Variants in HEATR5B observed in about 807,000 individuals in gnomAD.
HEATR5B encodes HEAT repeat containing 5B.
Under a neutral mutation model 224.1 loss-of-function variants are expected in HEATR5B, and 156 were observed. The observed-to-expected ratio is 0.70, with a 90% CI of 0.61 to 0.80. The LOEUF (loss-of-function observed/expected upper bound fraction) is 0.80, where lower values mean the gene tolerates loss of function less well. Among genes scored for constraint, HEATR5B ranks in the 30% least tolerant of loss-of-function variants. The pLI, the probability that HEATR5B is intolerant of heterozygous loss-of-function variation, is 0.00. For missense variants in HEATR5B, 2,323 were observed against 2,535.5 expected (o/e 0.92, Z 1.80); for synonymous variants, 1,027 against 893.0 (o/e 1.15, Z -2.68).
Position 37,058,501 on chromosome 2 carries a change from C to CG in HEATR5B, c.2008dup (p.Arg670ProfsTer6). On this transcript the variant is annotated frameshift_variant, in exon 14 of 36. Coordinates refer to ENST00000233099, the MANE Select transcript of HEATR5B (RefSeq NM_019024.3). LOFTEE classifies it high-confidence loss of function. The stretch of plus-strand genomic sequence containing the variant: ...AGCCAAGATATCATAAAGTCTTAAA[C>CG]GGACCATTGCAGCACTAGCTTTCAG... The CG allele has an allele frequency of 6.2e-7, 1 of 1,613,264 alleles. No individual in the cohort carries two copies. Among genetic ancestry groups the CG allele is most frequent in the Non-Finnish European group, 8.5e-7 (1 of 1,179,278 alleles).
chr2:37,021,026 ATACAG>A (rs1451147483), intron 24 of HEATR5B, among the ~76,000 whole-genome samples, 190 bp from the exon 25 acceptor site: 3 of 152,238 alleles, frequency 2.0e-5, no homozygotes, highest in African/African-American at 4.8e-5. Context: ...GTGATATACA[ATACAG>A]TAATGCTGAT....
At chr2:37,048,563 A>C (rs577010379) in intron 18 of HEATR5B, among the ~76,000 whole-genome samples, 1 of 152,320 alleles carries the variant, frequency 6.6e-6, no homozygotes, top group Non-Finnish European at 1.5e-5. Context: ...ACATACTCCT[A>C]CTTCACCTGT....
At chr2:37,063,987 T>C (rs188041825) in intron 10 of HEATR5B, among the ~76,000 whole-genome samples, 60 of 152,168 alleles carry the variant, frequency 3.9e-4, no homozygotes, top group African/African-American at 1.3e-3. Context: ...AATTTTTCTG[T>C]ATTTTTAGTA....
In HEATR5B at chr2:37,002,422, A is replaced by C; in HGVS notation, c.5201T>G (p.Val1734Gly). The change falls in exon 32 of 36, where the codon GTG (valine) becomes GGG (glycine). Residue 1734 changes from valine (V) to glycine (G), a missense_variant. By Grantham distance (109) the Val-to-Gly change is moderately radical (BLOSUM62 -3). Coordinates refer to ENST00000233099, the MANE Select transcript of HEATR5B (RefSeq NM_019024.3). ...VRHMPHLSTK[V>G]SDSPSHIATK... ...GGCTATGTGACTTGGAGAGTCTGAC[A>C]CCTTGGTACTGAGATGTGGCATATG... 1 of 1,614,212 alleles carries C rather than the reference A, an allele frequency of 6.2e-7. No homozygotes were observed. Among genetic ancestry groups the C allele is most frequent in the East Asian group, 2.2e-5 (1 of 44,888 alleles).
chr2:37,039,036 A>G (rs1558329393), intron 20 of HEATR5B, among the ~76,000 whole-genome samples: 1 of 151,992 alleles, frequency 6.6e-6, no homozygotes, highest in South Asian at 2.1e-4. Context: ...AATGCCGGTA[A>G]CGGGCTGGGC....
Position 37,046,069 on chromosome 2 carries a change from T to A in HEATR5B, c.2696+3584A>T, listed in dbSNP as rs574585463. On this transcript the variant is annotated intron_variant, in intron 18 of 35. Coordinates refer to ENST00000233099, the MANE Select transcript of HEATR5B (RefSeq NM_019024.3). ...CATATTTAACTAGTAATGTAGAGAT[T>A]TGAAATGAAGCTAACATGTAAACTT... Among the ~76,000 whole-genome samples, 19 of 152,324 alleles carry A rather than the reference T, an allele frequency of 1.2e-4. No individual in the cohort carries two copies. The East Asian group carries it at 3.3e-3, about 26-fold the overall frequency.
intron 14 of HEATR5B, 91 bp from the exon 15 acceptor site, chr2:37,057,571 G>T: frequency 1.3e-6 from 1 of 771,002 alleles, no homozygotes; most frequent in Non-Finnish European, 2.0e-6. Flanking sequence ...ATGTTCAACA[G>T]GAATAAAATA....
intron 35 of HEATR5B, among the ~76,000 whole-genome samples, chr2:36,983,227 C>T (rs1420866930): frequency 2.6e-5 from 4 of 152,036 alleles, no homozygotes; most frequent in African/African-American, 9.7e-5. Flanking sequence ...CCCTCATGTA[C>T]AATGTTAATA....
At chr2:37,000,846 C>A in intron 32 of HEATR5B, 33 bp from the exon 33 acceptor site, 1 of 1,356,292 alleles carries the variant, frequency 7.4e-7, no homozygotes, top group Non-Finnish European at 1.1e-6. Context: ...CACCTCATAA[C>A]TATTCAGTTC....
intron 17 of HEATR5B, among the ~76,000 whole-genome samples, chr2:37,052,038 C>A (rs939764960): frequency 1.3e-5 from 2 of 152,208 alleles, no homozygotes; most frequent in Admixed American, 6.5e-5. Context: ...CCACGCCCAG[C>A]CCCAAACCCT....
intron 35 of HEATR5B, among the ~76,000 whole-genome samples, chr2:36,986,579 T>G (rs1665959293): frequency 6.6e-6 from 1 of 152,138 alleles, no homozygotes; most frequent in African/African-American, 2.4e-5. Context: ...ACAGGTACAG[T>G]TTGTAGGTGG....
chr2:37,008,354 T>A (rs1667563014), intron 28 of HEATR5B: 1 of 516,538 alleles, frequency 1.9e-6, no homozygotes, highest in Non-Finnish European at 3.5e-6. Flanking sequence ...CATAGCTATT[T>A]AGAATACCCT....
Position 36,981,470 on chromosome 2 carries a change from C to G in HEATR5B, c.*20G>C, listed in dbSNP as rs1436761477. ...TAGGGGCTAGTTGACAACATAAATA[C>G]AAATAAATGAAATTACAAATTAAAA... On this transcript the variant is annotated 3_prime_UTR_variant, in exon 36 of 36. Coordinates refer to ENST00000233099, the MANE Select transcript of HEATR5B (RefSeq NM_019024.3). 1.3e-6 allele frequency: 2 copies of G among 1,582,238 alleles called. No individual in the cohort carries two copies. The highest frequency in any genetic ancestry group is 2.7e-5 in the African/African-American group (2 of 73,610).
intron 24 of HEATR5B, among the ~76,000 whole-genome samples, chr2:37,022,853 T>C (rs1668547507): frequency 6.6e-6 from 1 of 152,156 alleles, no homozygotes; most frequent in South Asian, 2.1e-4. Context: ...CAAAATTATT[T>C]TGGAATACAT....
At chr2:37,033,009 T>G (rs747816724) in intron 21 of HEATR5B, among the ~76,000 whole-genome samples, 2 of 151,942 alleles carry the variant, frequency 1.3e-5, no homozygotes, top group Admixed American at 6.6e-5. Flanking sequence ...GCCTCCCAAG[T>G]AGCTGGGATT....
intron 12 of HEATR5B, among the ~76,000 whole-genome samples, chr2:37,059,723 G>A (rs937880051): frequency 6.6e-6 from 1 of 151,820 alleles, no homozygotes; most frequent in Non-Finnish European, 1.5e-5. Flanking sequence ...GCTTCCCAAA[G>A]TGCTGGGATT....
intron 18 of HEATR5B, among the ~76,000 whole-genome samples, chr2:37,044,278 T>G (rs966102720): frequency 1.3e-5 from 2 of 152,204 alleles, no homozygotes; most frequent in Non-Finnish European, 2.9e-5. Context: ...GTTGTCATAT[T>G]CCTTCCCCCA....
intron 22 of HEATR5B, among the ~76,000 whole-genome samples, chr2:37,030,950 T>A (rs1669090519): frequency 6.6e-6 from 1 of 152,234 alleles, no homozygotes; most frequent in African/African-American, 2.4e-5. Context: ...GTACCTAAAC[T>A]GTGGCTTCTG....
chr2:37,006,625 G>C (rs1409276309), intron 29 of HEATR5B, among the ~76,000 whole-genome samples: 1 of 152,126 alleles, frequency 6.6e-6, no homozygotes, highest in East Asian at 1.9e-4. Flanking sequence ...TGGGCAACAA[G>C]AGTGAAACTC....
Sources: gnomAD v4.1 joint callset for allele counts (sites outside exome capture counted in the v4.1 genomes callset) on GRCh38, gnomAD v4.1.1 for gene constraint, MANE v1.5 for transcripts, NCBI Gene and HGNC (gene_info 2026-07-23, HGNC 2026-07-21) for gene names.